MDGA2: variants seen among roughly 807,000 people sequenced by gnomAD.
MDGA2 encodes the protein MAM domain containing glycosylphosphatidylinositol anchor 2.
Under a neutral mutation model 117.8 loss-of-function variants are expected in MDGA2, and 40 were observed. The ratio of observed to expected loss-of-function variants is 0.34; its 90% CI spans 0.26 to 0.44. The LOEUF (loss-of-function observed/expected upper bound fraction) is 0.44. Ranked by LOEUF, MDGA2 falls within the 20% of genes least tolerant of loss-of-function variation. The pLI is 1.00. For synonymous variants in MDGA2, 452 were observed against 439.0 expected (o/e 1.03, Z -0.37); for missense variants, 1,123 against 1,250.6 (o/e 0.90, Z 1.54).
intron 1 of MDGA2, among the ~76,000 whole-genome samples, chr14:47,476,771 T>C (rs6572428): frequency 0.74 from 112,685 of 152,128 alleles, 42,299 homozygotes; most frequent in East Asian, 1. Flanking sequence ...TATAAAAACA[T>C]GACTTTTGTA....
At chr14:47,013,143 G>C (rs751834222) in intron 8 of MDGA2, among the ~76,000 whole-genome samples, 3 of 152,150 alleles carry the variant, frequency 2.0e-5, no homozygotes, top group Non-Finnish European at 4.4e-5. Flanking sequence ...AGGATTCTCT[G>C]AAGCATGTCT....
chr14:46,841,810 T>C lies in MDGA2; in HGVS notation c.*121A>G. On this transcript the variant is annotated 3_prime_UTR_variant, in exon 17 of 17. Coordinates refer to ENST00000399232, the MANE Select transcript of MDGA2 (RefSeq NM_001113498.3). ...AAAAAAATTTGTTTTTATTATTTTA[T>C]TTTTGAGTCAGTAGTCAGTGGAGGA... 2 of 618,414 alleles carry C rather than the reference T, an allele frequency of 3.2e-6. No individual in the cohort carries two copies. The highest frequency in any genetic ancestry group is 3.0e-5 in the East Asian group (1 of 33,688). 38.3% of individuals were successfully genotyped at this position (618,414 alleles called of 1,614,324 possible).
intron 2 of MDGA2, among the ~76,000 whole-genome samples, chr14:47,292,940 C>A (rs73238722): frequency 0.041 from 6,193 of 152,258 alleles, 134 homozygotes; most frequent in African/African-American, 0.051. Flanking sequence ...CCTTGTTGCT[C>A]TTCACACTAT....
intron 1 of MDGA2, among the ~76,000 whole-genome samples, chr14:47,569,843 T>G (rs187583141): frequency 6.6e-6 from 1 of 152,208 alleles, no homozygotes; most frequent in Non-Finnish European, 1.5e-5. Context: ...CTTCTAATGT[T>G]TTAATTTCAA....
At chr14:46,980,370 GA>G (rs1886624091) in intron 8 of MDGA2, among the ~76,000 whole-genome samples, 1 of 152,160 alleles carries the variant, frequency 6.6e-6, no homozygotes, top group Non-Finnish European at 1.5e-5. Context: ...AGTGGATGAA[GA>G]GTTGTTTTTT....
chr14:47,019,857 T>A (rs985772257), intron 8 of MDGA2, among the ~76,000 whole-genome samples: 125 of 148,894 alleles, frequency 8.4e-4, no homozygotes, highest in African/African-American at 2.5e-3. Flanking sequence ...AAAAAAAAAA[T>A]TATCTACCTG....
At chr14:47,609,428 C>CATATATATATATATATATATATATATAT (rs3040345) in intron 1 of MDGA2, among the ~76,000 whole-genome samples, 2 of 17,564 alleles carry the variant, frequency 1.1e-4, no homozygotes, top group Non-Finnish European at 1.4e-4. Flanking sequence ...AGTATTCCAT[C>CATATATATATATATATATATATATATAT]ATATATATAT....
At chr14:47,015,374 T>TA (rs1233796097) in intron 8 of MDGA2, among the ~76,000 whole-genome samples, 1 of 140,914 alleles carries the variant, frequency 7.1e-6, no homozygotes, top group East Asian at 2.1e-4. Flanking sequence ...CTTCAATTTA[T>TA]AAAAAACACA....
chr14:47,283,919 G>A (rs17738729), intron 2 of MDGA2, among the ~76,000 whole-genome samples: 13,835 of 152,148 alleles, frequency 0.091, 777 homozygotes, highest in Non-Finnish European at 0.11. Context: ...TACAAAGCTG[G>A]AAAGTATGCA....
intron 13 of MDGA2, 118 bp from the exon 14 acceptor site, chr14:46,873,709 T>A (rs1882106671): frequency 1.1e-6 from 1 of 931,370 alleles, no homozygotes; most frequent in South Asian, 2.0e-5. Context: ...AAGATTTGCA[T>A]CTCATTTATA....
At chr14:47,054,960 T>C (rs539170750) in intron 7 of MDGA2, among the ~76,000 whole-genome samples, 8 of 151,032 alleles carry the variant, frequency 5.3e-5, no homozygotes, top group Admixed American at 6.6e-5. Flanking sequence ...CCACTATTCA[T>C]AAAATATTGC....
At chr14:46,950,531 G>A (rs1885335796) in intron 9 of MDGA2, among the ~76,000 whole-genome samples, 1 of 151,842 alleles carries the variant, frequency 6.6e-6, no homozygotes, top group African/African-American at 2.4e-5. Flanking sequence ...TCATAAGCTG[G>A]CTAAAATACT....
intron 7 of MDGA2, chr14:47,059,474 G>A (rs1232658954): frequency 2.4e-6 from 1 of 418,322 alleles, no homozygotes; most frequent in Non-Finnish European, 4.2e-6. Flanking sequence ...TAAAGGATTG[G>A]TGGAAATTTC....
chr14:47,061,229 C>A lies in MDGA2; in HGVS notation c.1525+20G>T. 6.3e-7 allele frequency: 1 copy of A among 1,579,118 alleles called. No homozygotes were observed. The highest frequency in any genetic ancestry group is 8.7e-7 in the Non-Finnish European group (1 of 1,152,188). ...TTCTAAATGTGAACATCTTTTACAT[C>A]ATAAATATATGCCTCTTACCTGTGC... On this transcript the variant is annotated intron_variant, in intron 7 of 16. Transcript: ENST00000399232.
chr14:47,466,345 G>A lies in MDGA2; in HGVS notation c.281-164795C>T, dbSNP rs538723843. On this transcript the variant is annotated intron_variant, in intron 1 of 16. Coordinates refer to ENST00000399232, the MANE Select transcript of MDGA2 (RefSeq NM_001113498.3). ...AAAAGTAAAAAAAAAATTGGATTAG[G>A]AACAATTAAGTGATTCTTGTTATAT... is the stretch of plus-strand genomic sequence containing the variant. 1.2e-4 allele frequency among the ~76,000 whole-genome samples: 19 copies of A among 152,078 alleles called. No homozygotes were observed. In the South Asian group the frequency reaches 4.0e-3, roughly 32 times the overall value.
At chr14:46,862,475 CTCT>C (rs1595002262) in intron 14 of MDGA2, among the ~76,000 whole-genome samples, 2 of 149,418 alleles carry the variant, frequency 1.3e-5, no homozygotes, top group Admixed American at 6.7e-5. Context: ...TAACCTAGTT[CTCT>C]TAAGTTCTTA....
At chr14:47,176,777 C>T (rs1022196139) in intron 3 of MDGA2, among the ~76,000 whole-genome samples, 2 of 152,070 alleles carry the variant, frequency 1.3e-5, no homozygotes. Context: ...AAAGCAATGG[C>T]AACAAAAGCC....
chr14:47,135,441 A>T (rs933490282), intron 4 of MDGA2, among the ~76,000 whole-genome samples: 13 of 152,164 alleles, frequency 8.5e-5, no homozygotes, highest in African/African-American at 3.1e-4. Context: ...ATTCTAGATT[A>T]TCCTAATTTT....
Position 46,873,420 on chromosome 14 carries a change from A to G in MDGA2, c.2752+13T>C, listed in dbSNP as rs747078926. 1.3e-6 allele frequency: 2 copies of G among 1,571,888 alleles called. No individual in the cohort carries two copies. The highest frequency in any genetic ancestry group is 1.7e-6 in the Non-Finnish European group (2 of 1,157,420). On this transcript the variant is annotated intron_variant, in intron 14 of 16. Transcript: ENST00000399232. ...ATTAATTTTGTAAGAATCAGTAATT[A>G]TTGCTATCTCACCTATATGTTGTCC...
Sources: gnomAD v4.1 joint callset for allele counts (sites outside exome capture counted in the v4.1 genomes callset) on GRCh38, gnomAD v4.1.1 for gene constraint, MANE v1.5 for transcripts, NCBI Gene and HGNC (gene_info 2026-07-23, HGNC 2026-07-21) for gene names.